The following EXOC4 variants were observed in gnomAD, a reference collection of about 807,000 sequenced individuals.
The protein encoded by EXOC4 is exocyst complex component 4.
In EXOC4, 71 loss-of-function variants were observed where a neutral mutation model predicts 107.2. That is an observed-to-expected ratio of 0.66 (90% CI 0.55 to 0.81). EXOC4 has a LOEUF of 0.81. Among genes scored for constraint, EXOC4 ranks in the 30% least tolerant of loss-of-function variants. The probability of loss-of-function intolerance (pLI) is 0.00; values close to 1 mark genes in which losing one functional copy is unlikely to be tolerated. For synonymous variants in EXOC4, 456 were observed against 441.2 expected, an observed-to-expected ratio of 1.03 and a Z score of -0.42; for missense variants, 1,108 against 1,189.6, an observed-to-expected ratio of 0.93 and a Z score of 1.01.
intron 10 of EXOC4, among the ~76,000 whole-genome samples, chr7:133,636,525 G>C (rs773641719): frequency 7.9e-5 from 12 of 152,136 alleles, no homozygotes; most frequent in Non-Finnish European, 1.2e-4. Context: ...TGAACACTTG[G>C]CATGCATGAA....
intron 9 of EXOC4, among the ~76,000 whole-genome samples, chr7:133,483,434 A>G (rs1799201310): frequency 6.6e-6 from 1 of 152,204 alleles, no homozygotes; most frequent in Non-Finnish European, 1.5e-5. Flanking sequence ...ACATTTTAAA[A>G]TCTAAGTGAC....
intron 9 of EXOC4, among the ~76,000 whole-genome samples, chr7:133,492,119 G>A (rs1799383599): frequency 6.6e-6 from 1 of 152,154 alleles, no homozygotes; most frequent in African/African-American, 2.4e-5. Flanking sequence ...TTTAGAAAAT[G>A]TTTTCTGATG....
chr7:134,011,517 A>G (rs1794762063), intron 17 of EXOC4, among the ~76,000 whole-genome samples: 1 of 151,250 alleles, frequency 6.6e-6, no homozygotes. Flanking sequence ...TTTTTTTTGG[A>G]CTGGTATCTT....
intron 17 of EXOC4, among the ~76,000 whole-genome samples, chr7:134,027,529 A>G (rs1023328245): frequency 6.6e-6 from 1 of 151,928 alleles, no homozygotes; most frequent in South Asian, 2.1e-4. Context: ...GTGGTGGTGC[A>G]TGCCTGGAAT....
intron 10 of EXOC4, among the ~76,000 whole-genome samples, chr7:133,769,907 T>C (rs964517720): frequency 6.6e-6 from 1 of 151,900 alleles, no homozygotes; most frequent in Non-Finnish European, 1.5e-5. Flanking sequence ...TTCTGTGTAG[T>C]TATAGCAAGT....
At chr7:133,885,838 G>A (rs1225373771) in intron 11 of EXOC4, among the ~76,000 whole-genome samples, 1 of 152,138 alleles carries the variant, frequency 6.6e-6, no homozygotes, top group Non-Finnish European at 1.5e-5. Context: ...AGGAACTGGA[G>A]AGAAGCATAG....
At chr7:133,429,709 T>C (rs755788882) in intron 7 of EXOC4, among the ~76,000 whole-genome samples, 20 of 152,262 alleles carry the variant, frequency 1.3e-4, no homozygotes, top group Non-Finnish European at 2.9e-4. Flanking sequence ...ATACAGTATG[T>C]GGCCTTTCTG....
At chr7:133,426,698 C>G (rs939250242) in intron 7 of EXOC4, among the ~76,000 whole-genome samples, 2 of 152,222 alleles carry the variant, frequency 1.3e-5, no homozygotes, top group African/African-American at 4.8e-5. Context: ...GAAGAAAGAA[C>G]TATTAATGTA....
At chr7:133,309,752 C>T (rs1398443125) in intron 4 of EXOC4, among the ~76,000 whole-genome samples, 4 of 152,112 alleles carry the variant, frequency 2.6e-5, no homozygotes, top group Non-Finnish European at 5.9e-5. Context: ...CCAGCCTGGT[C>T]AACGTGGTAA....
chr7:133,472,031 TC>T (rs1411585887), intron 7 of EXOC4, among the ~76,000 whole-genome samples: 1 of 152,174 alleles, frequency 6.6e-6, no homozygotes, highest in Non-Finnish European at 1.5e-5. Flanking sequence ...GAGAAGGTAA[TC>T]CAGATTAGGC....
chr7:133,480,383 C>T, intron 9 of EXOC4: 1 of 1,308,046 alleles, frequency 7.6e-7, no homozygotes, highest in East Asian at 3.3e-5. Context: ...GAGATGAGGC[C>T]AGGCTCGTCT....
chr7:134,041,484 C>T (rs967992058), intron 17 of EXOC4, among the ~76,000 whole-genome samples: 2 of 152,132 alleles, frequency 1.3e-5, no homozygotes, highest in Non-Finnish European at 2.9e-5. Context: ...TTTGCACACT[C>T]AAAATCAATT....
intron 10 of EXOC4, among the ~76,000 whole-genome samples, chr7:133,640,985 C>T (rs1404331107): frequency 6.6e-6 from 1 of 152,032 alleles, no homozygotes; most frequent in Non-Finnish European, 1.5e-5. Flanking sequence ...GCGATCCTCC[C>T]ACCTTAGCCT....
At chr7:133,718,740 T>G (rs1422364786) in intron 10 of EXOC4, among the ~76,000 whole-genome samples, 1 of 152,248 alleles carries the variant, frequency 6.6e-6, no homozygotes, top group African/African-American at 2.4e-5. Context: ...AAAATAGCCA[T>G]GTAACACATG....
At chr7:133,490,353 C>T (rs1172129861) in intron 9 of EXOC4, among the ~76,000 whole-genome samples, 3 of 152,126 alleles carry the variant, frequency 2.0e-5, no homozygotes, top group Admixed American at 6.6e-5. Flanking sequence ...CACACTATCA[C>T]GGAGTTGTGT....
chr7:133,359,307 G>T (rs1796089774), intron 6 of EXOC4, among the ~76,000 whole-genome samples: 2 of 152,138 alleles, frequency 1.3e-5, no homozygotes, highest in African/African-American at 4.8e-5. Flanking sequence ...TGCTTCTAGA[G>T]GATTGGAATT....
chr7:133,351,556 C>T (rs180843318), intron 5 of EXOC4, among the ~76,000 whole-genome samples: 1 of 151,870 alleles, frequency 6.6e-6, no homozygotes, highest in Non-Finnish European at 1.5e-5. Flanking sequence ...TGAATTTAGT[C>T]ATTTGAGTCG....
intron 10 of EXOC4, among the ~76,000 whole-genome samples, chr7:133,755,325 A>T (rs552845469): frequency 0.017 from 1,741 of 102,094 alleles, 45 homozygotes; most frequent in African/African-American, 0.064. Context: ...ATATATATAT[A>T]ATATATATAT....
chr7:133,305,198 C>G (rs1794725240), intron 3 of EXOC4, among the ~76,000 whole-genome samples: 1 of 151,876 alleles, frequency 6.6e-6, no homozygotes, highest in South Asian at 2.1e-4. Flanking sequence ...TTATCCAGTC[C>G]TTTTGTCTTG....
Sources: gnomAD v4.1 joint callset for allele counts (sites outside exome capture counted in the v4.1 genomes callset) on GRCh38, gnomAD v4.1.1 for gene constraint, MANE v1.5 for transcripts, NCBI Gene and HGNC (gene_info 2026-07-23, HGNC 2026-07-21) for gene names.